The following ROBO2 variants were observed in gnomAD, a reference collection of about 807,000 sequenced individuals.
ROBO2 encodes roundabout guidance receptor 2.
Under a neutral mutation model 160.8 loss-of-function variants are expected in ROBO2, and 53 were observed. That is an observed-to-expected ratio of 0.33 (90% confidence interval 0.26 to 0.41). ROBO2 has a LOEUF of 0.41. Among genes scored for constraint, ROBO2 ranks in the 10% least tolerant of loss-of-function variants. ROBO2 has a pLI of 1.00. For missense variants in ROBO2, 1,577 were observed against 1,722.4 expected (o/e 0.92, Z 1.49); for synonymous variants, 664 against 611.7 (o/e 1.09, Z -1.26).
At chr3:76,173,246 G>A (rs1442863799) in intron 2 of ROBO2, among the ~76,000 whole-genome samples, 2 of 151,604 alleles carry the variant, frequency 1.3e-5, no homozygotes, top group Non-Finnish European at 2.9e-5. Flanking sequence ...GTGTATATAT[G>A]TGTATATGTA....
intron 2 of ROBO2, among the ~76,000 whole-genome samples, chr3:76,535,987 T>C (rs539634671): frequency 5.7e-4 from 86 of 152,134 alleles, no homozygotes; most frequent in African/African-American, 2.0e-3. Flanking sequence ...GCCCTAGAAG[T>C]GGCTGCAATA....
intron 20 of ROBO2, among the ~76,000 whole-genome samples, chr3:77,607,135 G>A (rs1006539765): frequency 6.6e-6 from 1 of 152,128 alleles, no homozygotes; most frequent in Non-Finnish European, 1.5e-5. Context: ...CACTGAAACT[G>A]ATTACTGTAT....
intron 2 of ROBO2, among the ~76,000 whole-genome samples, chr3:76,006,500 A>G (rs1028632448): frequency 3.3e-5 from 5 of 152,178 alleles, no homozygotes; most frequent in African/African-American, 1.2e-4. Context: ...TAGTCAACTG[A>G]TTCATCTAGC....
chr3:76,680,781 A>G (rs1230643146), intron 2 of ROBO2, among the ~76,000 whole-genome samples: 1 of 151,874 alleles, frequency 6.6e-6, no homozygotes, highest in Non-Finnish European at 1.5e-5. Flanking sequence ...TTTTATTTTT[A>G]TTTTATATTT....
chr3:77,434,678 T>C (rs1462996145), intron 2 of ROBO2, among the ~76,000 whole-genome samples: 1 of 152,112 alleles, frequency 6.6e-6, no homozygotes, highest in Non-Finnish European at 1.5e-5. Context: ...TGGTTCCCCA[T>C]TACCATGCAT....
chr3:77,144,561 T>C (rs551887729), intron 2 of ROBO2, among the ~76,000 whole-genome samples: 63 of 152,356 alleles, frequency 4.1e-4, no homozygotes, highest in African/African-American at 1.5e-3. Flanking sequence ...GTACATAGTT[T>C]TGTTTGAAAA....
chr3:77,376,403 C>A (rs2072671792), intron 2 of ROBO2, among the ~76,000 whole-genome samples: 1 of 151,954 alleles, frequency 6.6e-6, no homozygotes, highest in Non-Finnish European at 1.5e-5. Flanking sequence ...AGTGATCCAC[C>A]CACCTCAGCC....
intron 13 of ROBO2, among the ~76,000 whole-genome samples, chr3:77,572,598 G>A (rs56156631): frequency 0.12 from 17,468 of 150,698 alleles, 1,113 homozygotes; most frequent in Admixed American, 0.15. Context: ...CATTCTTGTT[G>A]AGACTTATCT....
intron 2 of ROBO2, among the ~76,000 whole-genome samples, chr3:76,474,536 C>A (rs1173618863): frequency 1.3e-5 from 2 of 152,108 alleles, no homozygotes; most frequent in Non-Finnish European, 2.9e-5. Context: ...ACAAAAGTGC[C>A]TCTTCTCAAG....
At chr3:77,628,152 ATGT>A (rs757995113) in intron 23 of ROBO2, among the ~76,000 whole-genome samples, 19,545 of 152,102 alleles carry the variant, frequency 0.13, 1,333 homozygotes, top group Admixed American at 0.17. Context: ...AAGATTGAAA[ATGT>A]AAACACAAAT....
chr3:76,866,230 AAAAAG>A (rs1559622710), intron 2 of ROBO2, among the ~76,000 whole-genome samples: 3 of 152,144 alleles, frequency 2.0e-5, no homozygotes, highest in African/African-American at 7.2e-5. Flanking sequence ...AAAAAAGGAA[AAAAAG>A]AAAAGAAAAA....
intron 2 of ROBO2, among the ~76,000 whole-genome samples, chr3:77,229,117 C>T (rs2086846757): frequency 6.6e-6 from 1 of 152,080 alleles, no homozygotes; most frequent in Non-Finnish European, 1.5e-5. Flanking sequence ...ATGTATTTCT[C>T]ACAAATGACA....
intron 2 of ROBO2, among the ~76,000 whole-genome samples, chr3:77,264,061 C>T (rs1215564687): frequency 2.0e-5 from 3 of 152,086 alleles, no homozygotes; most frequent in Non-Finnish European, 4.4e-5. Context: ...TCATCATCAC[C>T]ATCATCGTTA....
chr3:77,565,132 A>G lies in ROBO2; in HGVS notation c.1849+12A>G. The G allele has an allele frequency of 6.2e-7, 1 of 1,613,394 alleles. No homozygotes were observed. Among genetic ancestry groups the G allele is most frequent in the Non-Finnish European group, 8.5e-7 (1 of 1,179,550 alleles). The stretch of plus-strand genomic sequence containing the variant: ...TGTGCGCACACAAGGTACTTTCAAC[A>G]GCTGTCAACAAGACTGGTTCTAGGC... On this transcript the variant is annotated intron_variant, in intron 12 of 25. Coordinates refer to ENST00000461745, the Ensembl canonical transcript of ROBO2.
chr3:76,254,472 G>A (rs958077440), intron 2 of ROBO2, among the ~76,000 whole-genome samples: 1 of 152,086 alleles, frequency 6.6e-6, no homozygotes, highest in Non-Finnish European at 1.5e-5. Flanking sequence ...GAGTCAGTCA[G>A]AGACTTAGGG....
chr3:76,641,375 A>C (rs1285988847), intron 2 of ROBO2, among the ~76,000 whole-genome samples: 1 of 152,176 alleles, frequency 6.6e-6, no homozygotes, highest in Non-Finnish European at 1.5e-5. Flanking sequence ...TATTGTTATC[A>C]ACAATACACA....
chr3:77,434,178 G>A (rs1218622968), intron 2 of ROBO2, among the ~76,000 whole-genome samples: 1 of 151,918 alleles, frequency 6.6e-6, no homozygotes, highest in African/African-American at 2.4e-5. Flanking sequence ...ACTTCCTCCT[G>A]TGTGTTCTCC....
chr3:77,538,582 A>G (rs1233719241), intron 6 of ROBO2, among the ~76,000 whole-genome samples: 1 of 152,194 alleles, frequency 6.6e-6, no homozygotes, highest in African/African-American at 2.4e-5. Context: ...TATATTTTCT[A>G]TTATAAATAC....
At chr3:76,200,418 C>A (rs1237820935) in intron 2 of ROBO2, among the ~76,000 whole-genome samples, 1 of 152,038 alleles carries the variant, frequency 6.6e-6, no homozygotes, top group East Asian at 1.9e-4. Context: ...AAAGCTCATG[C>A]CCTGTTTTTG....
Sources: allele counts gnomAD v4.1 joint callset (sites outside exome capture counted in the v4.1 genomes callset), GRCh38; gene constraint gnomAD v4.1.1; transcripts MANE v1.5; gene names NCBI Gene and HGNC (gene_info 2026-07-23, HGNC 2026-07-21).